The following SLC44A5 variants were observed in gnomAD, a reference collection of about 807,000 sequenced individuals.
SLC44A5 encodes the protein choline transporter-like protein 5.
A neutral mutation model predicts 101.8 loss-of-function variants in SLC44A5; 57 were observed. The observed-to-expected ratio is 0.56, with a 90% CI of 0.45 to 0.70. SLC44A5 has a LOEUF of 0.70. SLC44A5 is among the 30% of genes least tolerant of loss of function. The pLI, the probability that SLC44A5 is intolerant of heterozygous loss-of-function variation, is 0.00. For synonymous variants in SLC44A5, 281 were observed against 290.9 expected (o/e 0.97, Z 0.35); for missense variants, 737 against 853.1 (o/e 0.86, Z 1.70).
At chr1:75,243,976 TG>T (rs372472472) in intron 7 of SLC44A5, among the ~76,000 whole-genome samples, 264 of 152,180 alleles carry the variant, frequency 1.7e-3, no homozygotes, top group African/African-American at 6.0e-3. Context: ...TCCTCTCTCT[TG>T]CTTCCTCACT....
intron 3 of SLC44A5, among the ~76,000 whole-genome samples, chr1:75,374,957 T>C (rs1024340536): frequency 1.3e-5 from 2 of 152,180 alleles, no homozygotes; most frequent in African/African-American, 4.8e-5. Context: ...AGTCAGAGTG[T>C]TTCCTTACCT....
At chr1:75,649,055 T>C in the SLC44A5 span, among the ~76,000 whole-genome samples, 2 of 152,342 alleles carry the variant, frequency 1.3e-5, no homozygotes, top group East Asian at 3.9e-4. Context: ...ATTGGGTAAC[T>C]AACTCTGTGC....
At chr1:75,347,968 T>A (rs972916992) in intron 3 of SLC44A5, among the ~76,000 whole-genome samples, 1 of 152,144 alleles carries the variant, frequency 6.6e-6, no homozygotes, top group African/African-American at 2.4e-5. Flanking sequence ...TCTGCATAGA[T>A]TTGGAAGAGA....
the SLC44A5 span, among the ~76,000 whole-genome samples, chr1:75,676,761 T>C: frequency 6.6e-6 from 1 of 152,008 alleles, no homozygotes; most frequent in Non-Finnish European, 1.5e-5. Context: ...AATATCCAAG[T>C]ACAAGAAGGT....
At chr1:75,447,885 G>A (rs938325481) in intron 2 of SLC44A5, among the ~76,000 whole-genome samples, 12 of 152,042 alleles carry the variant, frequency 7.9e-5, no homozygotes, top group Non-Finnish European at 1.2e-4. Flanking sequence ...ATAAGCAAAT[G>A]ATAGCACAGT....
chr1:75,471,520 T>A (rs1443087965), intron 2 of SLC44A5, among the ~76,000 whole-genome samples: 3 of 152,056 alleles, frequency 2.0e-5, no homozygotes, highest in African/African-American at 7.2e-5. Flanking sequence ...TAGCCTTTTA[T>A]CTCAATCATG....
intron 4 of SLC44A5, among the ~76,000 whole-genome samples, chr1:75,301,424 A>C (rs1294486948): frequency 2.0e-5 from 3 of 152,198 alleles, no homozygotes; most frequent in African/African-American, 7.2e-5. Context: ...GGAAGGTCAA[A>C]GGTATGGCTT....
At chr1:75,699,025 G>C in the SLC44A5 span, among the ~76,000 whole-genome samples, 1 of 152,188 alleles carries the variant, frequency 6.6e-6, no homozygotes, top group South Asian at 2.1e-4. Flanking sequence ...ATCTACATCT[G>C]ATTGGTGTAC....
the SLC44A5 span, among the ~76,000 whole-genome samples, chr1:75,618,117 C>T: frequency 6.6e-6 from 1 of 152,234 alleles, no homozygotes; most frequent in Non-Finnish European, 1.5e-5. Context: ...ATTTCTGCTT[C>T]AGACCAGGAA....
At chr1:75,361,855 C>G (rs1171968557) in intron 3 of SLC44A5, among the ~76,000 whole-genome samples, 1 of 151,938 alleles carries the variant, frequency 6.6e-6, no homozygotes, top group Non-Finnish European at 1.5e-5. Context: ...TAATGCTGGC[C>G]TTGTAAAATG....
In SLC44A5 at chr1:75,396,054, C is replaced by G. The variant is rs576839299; in HGVS notation, c.52+529G>C. ...AGGTGCAGATTCTGATTCAATAAGT[C>G]TGGGATGGGACTTGAGATGCTGAAT... On this transcript the variant is annotated intron_variant, in intron 3 of 23. Coordinates refer to ENST00000370859, the MANE Select transcript of SLC44A5 (RefSeq NM_001130058.2). Among the ~76,000 whole-genome samples, 263 of 152,214 alleles carry G rather than the reference C, an allele frequency of 1.7e-3. 1 individual carries two copies. Among genetic ancestry groups the G allele is most frequent in the African/African-American group, 5.8e-3 (243 of 41,566 alleles).
intron 1 of SLC44A5, among the ~76,000 whole-genome samples, chr1:75,554,097 AACTG>A (rs1404878398): frequency 6.6e-6 from 1 of 152,184 alleles, no homozygotes; most frequent in African/African-American, 2.4e-5. Flanking sequence ...ACAAAAGTAG[AACTG>A]AATAGAGAGT....
At position 75,487,413 on chromosome 1, in the gene SLC44A5, A is replaced by G. The variant is rs558850634; in HGVS notation, c.13+54022T>C. ...AGGCAGAGGAAACCACATCTATAGT[A>G]GCTCCGAGACAAGATAGAGTTTGGC... is the stretch of plus-strand genomic sequence containing the variant. On this transcript the variant is annotated intron_variant, in intron 2 of 23. Transcript: ENST00000370859. Among the ~76,000 whole-genome samples the G allele has an allele frequency of 2.0e-5, 3 of 152,350 alleles. No individual in the cohort carries two copies. The East Asian group carries it at 5.8e-4, about 29-fold the overall frequency.
the SLC44A5 span, among the ~76,000 whole-genome samples, chr1:75,629,213 C>T: frequency 1.2e-5 from 1 of 81,590 alleles, no homozygotes; most frequent in African/African-American, 3.4e-5. Context: ...TTATTTTTTT[C>T]CCAGAAGATA....
chr1:75,374,069 C>T (rs1660405044), intron 3 of SLC44A5, among the ~76,000 whole-genome samples: 1 of 152,174 alleles, frequency 6.6e-6, no homozygotes, highest in African/African-American at 2.4e-5. Flanking sequence ...AGGAGCCCTG[C>T]AGCCTAGAAC....
At chr1:75,678,688 T>G in the SLC44A5 span, among the ~76,000 whole-genome samples, 1 of 150,762 alleles carries the variant, frequency 6.6e-6, no homozygotes, top group Admixed American at 6.6e-5. Context: ...AACTGGAAAC[T>G]CTAAAAATCA....
At chr1:75,220,012 A>G in intron 14 of SLC44A5, 120 bp from the exon 15 acceptor site, 1 of 551,448 alleles carries the variant, frequency 1.8e-6, no homozygotes, top group South Asian at 3.2e-5. Flanking sequence ...ATTCTGGCAT[A>G]TTCTCAGTTG....
the SLC44A5 span, among the ~76,000 whole-genome samples, chr1:75,667,331 C>T: frequency 2.0e-5 from 3 of 152,026 alleles, no homozygotes; most frequent in African/African-American, 7.2e-5. Flanking sequence ...TTCACAATTG[C>T]TACTAAGAGA....
chr1:75,362,529 TTTC>T (rs1659564604), intron 3 of SLC44A5, among the ~76,000 whole-genome samples: 1 of 152,052 alleles, frequency 6.6e-6, no homozygotes. Flanking sequence ...TCCTTTTTTA[TTTC>T]TTCTTGACTA....
Sources: gnomAD v4.1 joint callset for allele counts (sites outside exome capture counted in the v4.1 genomes callset) on GRCh38, gnomAD v4.1.1 for gene constraint, MANE v1.5 for transcripts, NCBI Gene and HGNC (gene_info 2026-07-23, HGNC 2026-07-21) for gene names.